TMPO: variants seen among roughly 807,000 people sequenced by gnomAD.
TMPO encodes thymopoietin.
A neutral mutation model predicts 45.4 loss-of-function variants in TMPO; 22 were observed. The ratio of observed to expected loss-of-function variants is 0.48; its 90% CI spans 0.35 to 0.69. TMPO has a LOEUF of 0.69. Among genes scored for constraint, TMPO ranks in the 30% least tolerant of loss-of-function variants. The pLI is 0.01. For synonymous variants in TMPO, 241 were observed against 204.1 expected, an observed-to-expected ratio of 1.18 and a Z score of -1.54; for missense variants, 512 against 548.8, an observed-to-expected ratio of 0.93 and a Z score of 0.67.
chr12:98,529,601 G>T (rs1253335763), intron 2 of TMPO, among the ~76,000 whole-genome samples: 2 of 150,950 alleles, frequency 1.3e-5, no homozygotes, highest in African/African-American at 4.9e-5. Context: ...TCTTTGCTCT[G>T]TTGTCCACGC....
intron 1 of TMPO, among the ~76,000 whole-genome samples, chr12:98,524,371 A>G (rs762729402): frequency 2.6e-5 from 4 of 152,132 alleles, no homozygotes; most frequent in Non-Finnish European, 5.9e-5. Flanking sequence ...CAGGAGTTTG[A>G]GACTAGCCTG....
chr12:98,542,053 GTTT>G (rs1877944954), intron 4 of TMPO, among the ~76,000 whole-genome samples: 1 of 152,174 alleles, frequency 6.6e-6, no homozygotes, highest in Non-Finnish European at 1.5e-5. Context: ...TATTTGAGTT[GTTT>G]TCAGCTGTAT....
intron 1 of TMPO, among the ~76,000 whole-genome samples, chr12:98,518,470 C>CTTTTTGTT: frequency 1.2e-5 from 1 of 83,520 alleles, no homozygotes; most frequent in African/African-American, 5.1e-5. Flanking sequence ...ATTTTCTAAT[C>CTTTTTGTT]TTTTTTTTTT....
intron 3 of TMPO, chr12:98,533,129 G>A: frequency 1.2e-6 from 2 of 1,614,110 alleles, no homozygotes; most frequent in Non-Finnish European, 8.5e-7. Flanking sequence ...TTAGAGAAAA[G>A]TTCTTCGTCA....
At chr12:98,520,720 G>C (rs1021872740) in intron 1 of TMPO, among the ~76,000 whole-genome samples, 4 of 151,490 alleles carry the variant, frequency 2.6e-5, no homozygotes. Context: ...GCCTAGCTGA[G>C]ACTACAGGTG....
chr12:98,524,220 A>G (rs1412002604), intron 1 of TMPO, among the ~76,000 whole-genome samples: 2 of 152,234 alleles, frequency 1.3e-5, no homozygotes, highest in Non-Finnish European at 2.9e-5. Context: ...CAAACAGATT[A>G]TCTGGCCCAA....
At position 98,549,305 on chromosome 12, in the gene TMPO, A is replaced by G. The variant is rs1878398950; in HGVS notation, c.*1447A>G. On this transcript the variant is annotated 3_prime_UTR_variant, in exon 9 of 9. Transcript: ENST00000556029. ...AGTGGCACGATCTGGGCTCGATGCA[A>G]CCTCTGCCTCCCAGGTTCAAGCAAT... The G allele has an allele frequency of 6.6e-6, 1 of 151,336 alleles. No individual in the cohort carries two copies. The highest frequency in any genetic ancestry group is 2.1e-4 in the South Asian group (1 of 4,798). The allele number at this position is 151,336 out of a possible 1,614,324, so 9.4% of individuals were successfully genotyped here. A position where few individuals can be genotyped will look rare whatever the true frequency, so the allele number is the denominator to read the frequency against.
chr12:98,527,641 A>G (rs1876877992), intron 1 of TMPO: 1 of 451,092 alleles, frequency 2.2e-6, no homozygotes, highest in African/African-American at 2.0e-5. Context: ...AGGTAATCCA[A>G]AATGGACTAT....
intron 8 of TMPO, 116 bp from the exon 9 acceptor site, chr12:98,547,457 C>G: frequency 8.1e-7 from 1 of 1,234,298 alleles, no homozygotes; most frequent in South Asian, 1.3e-5. Flanking sequence ...CAATTTTCTA[C>G]TGTTACCTCA....
chr12:98,546,529 A>C (rs1471049128), intron 8 of TMPO, 82 bp downstream of exon 8: 1 of 1,122,600 alleles, frequency 8.9e-7, no homozygotes, highest in Non-Finnish European at 1.4e-6. Flanking sequence ...AAGTTACTGT[A>C]CTTCTGCTCA....
chr12:98,542,659 C>T (rs867400593), intron 4 of TMPO, among the ~76,000 whole-genome samples: 3 of 152,166 alleles, frequency 2.0e-5, no homozygotes, highest in Middle Eastern at 3.4e-3. Flanking sequence ...GTCAGGAGAC[C>T]AGCCTGGCCA....
intron 1 of TMPO, among the ~76,000 whole-genome samples, chr12:98,522,010 G>C (rs182207516): frequency 1.5e-4 from 23 of 152,142 alleles, no homozygotes; most frequent in Admixed American, 1.5e-3. Flanking sequence ...GATTACAGGC[G>C]TGAGCCACCA....
Position 98,531,940 on chromosome 12 carries a change from C to T in TMPO, c.565+102C>T, listed in dbSNP as rs553702508. On this transcript the variant is annotated intron_variant, in intron 3 of 8. Coordinates refer to ENST00000556029, the MANE Select transcript of TMPO (RefSeq NM_001032283.3). ...AATTTAAAACAATATTGGCAAGATA[C>T]ACAAATTTTATTCGTGTCATTAGAG... 8.1e-4 allele frequency: 767 copies of T among 949,890 alleles called. 1 individual carries two copies. Among genetic ancestry groups the T allele is most frequent in the Non-Finnish European group, 1.0e-3 (639 of 633,170 alleles). The allele number at this position is 949,890 out of a possible 1,614,324, so 58.8% of individuals were successfully genotyped here.
chr12:98,531,936 G>C, intron 3 of TMPO, 98 bp downstream of exon 3: 1 of 985,656 alleles, frequency 1.0e-6, no homozygotes. Flanking sequence ...ATATTGGCAA[G>C]ATACACAAAT....
In TMPO at chr12:98,547,801, C is replaced by T. The variant is rs1234286937; in HGVS notation, c.1308C>T (p.Thr436=). Residue 436 remains threonine (T), a synonymous_variant, in exon 9 of 9, where the codon ACC becomes ACT. Transcript: ENST00000556029. Reference sequence around the variant, plus strand: ...TTTTGGTCTATCAAGCTATGGAAACCAACCAAGTAAATCCCTTCTCTAATT... The same window carrying T: ...TTTTGGTCTATCAAGCTATGGAAACTAACCAAGTAAATCCCTTCTCTAATT... ...FLFLVYQAME[T]NQVNPFSNFL... The T allele has an allele frequency of 6.2e-7, 1 of 1,613,906 alleles. No individual in the cohort carries two copies. The highest frequency in any genetic ancestry group is 1.3e-5 in the African/African-American group (1 of 74,896).
At chr12:98,525,392 G>A (rs1876688427) in intron 1 of TMPO, among the ~76,000 whole-genome samples, 1 of 152,142 alleles carries the variant, frequency 6.6e-6, no homozygotes, top group Non-Finnish European at 1.5e-5. Flanking sequence ...TCTGATTATA[G>A]AATGATTAGC....
intron 1 of TMPO, among the ~76,000 whole-genome samples, chr12:98,526,646 T>C (rs980403428): frequency 1.3e-5 from 2 of 152,166 alleles, no homozygotes; most frequent in Admixed American, 6.5e-5. Flanking sequence ...CCTTCTTAAG[T>C]TCTCATATGC....
At chr12:98,537,111 A>G (rs530233099) in intron 3 of TMPO, among the ~76,000 whole-genome samples, 10 of 152,294 alleles carry the variant, frequency 6.6e-5, no homozygotes, top group Admixed American at 2.6e-4. Context: ...AATGGTAACA[A>G]TTGTGTTATT....
chr12:98,533,018 A>G, intron 3 of TMPO: 1 of 1,613,692 alleles, frequency 6.2e-7, no homozygotes, highest in Non-Finnish European at 8.5e-7. Context: ...CTACCTAGGG[A>G]GCCTCTTGTT....
Sources: gnomAD v4.1 joint callset for allele counts (sites outside exome capture counted in the v4.1 genomes callset) on GRCh38, gnomAD v4.1.1 for gene constraint, MANE v1.5 for transcripts, NCBI Gene and HGNC (gene_info 2026-07-23, HGNC 2026-07-21) for gene names.